NAV1: variants seen among roughly 807,000 people sequenced by gnomAD.
NAV1 encodes the protein neuron navigator 1.
In NAV1, 18 loss-of-function variants were observed where a neutral mutation model predicts 175.2. The observed-to-expected ratio is 0.10, with a 90% CI of 0.07 to 0.15. NAV1 has a LOEUF of 0.15. NAV1 is among the 10% of genes least tolerant of loss of function. The pLI is 1.00. For missense variants in NAV1, 1,731 were observed against 2,436.6 expected (o/e 0.71, Z 6.10); for synonymous variants, 897 against 978.7 (o/e 0.92, Z 1.56).
chr1:201,666,184 T>C (rs546555347), intron 1 of NAV1, among the ~76,000 whole-genome samples: 156 of 152,186 alleles, frequency 1.0e-3, no homozygotes, highest in Non-Finnish European at 1.4e-3. Context: ...GATCTGCCCA[T>C]GGAGAAGGCT....
chr1:201,688,589 G>A (rs973229150), intron 1 of NAV1, among the ~76,000 whole-genome samples: 5 of 152,006 alleles, frequency 3.3e-5, no homozygotes, highest in Admixed American at 1.3e-4. Context: ...CCCTTTTTGC[G>A]GGCTTTTCAT....
Position 201,812,547 on chromosome 1 carries a change from A to T in NAV1, c.5107A>T (p.Ser1703Cys). Residue 1703 changes from serine (S) to cysteine (C), a missense_variant, in exon 27 of 30, where the codon AGC (serine) becomes TGC (cysteine). Around this residue, in one of 13 missense-constraint regions of NAV1, gnomAD observed 115 missense variants for 269.4 expected, o/e 0.43. Coordinates refer to ENST00000367296, the Ensembl canonical transcript of NAV1. This position sits in a 1 kb window ranked among gnomAD's most constrained non-coding sequence, Gnocchi z 4.6. ...GAGGAGGAAGCTGGTAGAGTCAGACAGCGACATCAATGCCAACAAGGAAGA... is the reference window on the plus strand; with the variant it reads ...GAGGAGGAAGCTGGTAGAGTCAGACTGCGACATCAATGCCAACAAGGAAGA... The T allele has an allele frequency of 1.9e-6, 3 of 1,614,226 alleles. No individual in the cohort carries two copies. Among genetic ancestry groups the T allele is most frequent in the Non-Finnish European group, 2.5e-6 (3 of 1,180,044 alleles).
At chr1:201,663,307 C>T (rs1272240307) in intron 1 of NAV1, among the ~76,000 whole-genome samples, 1 of 152,092 alleles carries the variant, frequency 6.6e-6, no homozygotes, top group Non-Finnish European at 1.5e-5. Flanking sequence ...GTCAACAGAC[C>T]GTGAGATGTG....
intron 1 of NAV1, among the ~76,000 whole-genome samples, chr1:201,689,809 C>A (rs185527071): frequency 2.6e-5 from 4 of 152,328 alleles, no homozygotes; most frequent in Non-Finnish European, 5.9e-5. Flanking sequence ...GCGGTGGAAG[C>A]TCTCCTAGGG....
intron 1 of NAV1, among the ~76,000 whole-genome samples, chr1:201,567,329 T>C (rs1443387252): frequency 6.6e-6 from 1 of 152,218 alleles, no homozygotes; most frequent in Non-Finnish European, 1.5e-5. Context: ...TACGAGGGCA[T>C]TGGCTGGGCC....
intron 1 of NAV1, among the ~76,000 whole-genome samples, chr1:201,548,702 A>C (rs1322725010): frequency 2.0e-5 from 3 of 152,262 alleles, no homozygotes; most frequent in African/African-American, 7.2e-5. Flanking sequence ...TTAGAAAACA[A>C]GAAACCAAAT....
intron 2 of NAV1, among the ~76,000 whole-genome samples, chr1:201,597,735 G>A (rs1667396107): frequency 6.6e-6 from 1 of 152,238 alleles, no homozygotes; most frequent in African/African-American, 2.4e-5. Context: ...TGCTCCACCT[G>A]CTTCCTGTTC....
At chr1:201,648,524 C>T (rs1669060580) in exon 1 of NAV1, 6 of 1,244,400 alleles carry the variant, frequency 4.8e-6, no homozygotes, top group Admixed American at 8.4e-5. Context: ...GCTCTCTCCC[C>T]CTTCTCTCCC....
chr1:201,695,575 G>C (rs758115426), intron 1 of NAV1, among the ~76,000 whole-genome samples: 2 of 152,206 alleles, frequency 1.3e-5, no homozygotes, highest in African/African-American at 2.4e-5. Context: ...TCTCTCTAAG[G>C]CATGTTTGTT....
At chr1:201,624,500 C>T (rs1226438924) in intron 1 of NAV1, among the ~76,000 whole-genome samples, 1 of 151,756 alleles carries the variant, frequency 6.6e-6, no homozygotes, top group African/African-American at 2.4e-5. Context: ...CCCACCACCA[C>T]ACCTGGCTAA....
intron 24 of NAV1, among the ~76,000 whole-genome samples, chr1:201,811,334 T>G (rs1678679211): frequency 6.6e-6 from 1 of 152,148 alleles, no homozygotes; most frequent in Non-Finnish European, 1.5e-5. Context: ...CCATTAGTAG[T>G]AGTCCATGGT....
chr1:201,771,994 C>T (rs995098850), intron 3 of NAV1, among the ~76,000 whole-genome samples: 46 of 152,272 alleles, frequency 3.0e-4, no homozygotes, highest in African/African-American at 8.4e-4. Context: ...AAAATCTTAA[C>T]CTTTTTCCTG....
intron 1 of NAV1, among the ~76,000 whole-genome samples, chr1:201,681,513 C>T (rs1217815274): frequency 4.6e-5 from 7 of 152,202 alleles, no homozygotes; most frequent in Non-Finnish European, 7.3e-5. Context: ...CAGCAGTCCA[C>T]GAGGCCATGT....
At chr1:201,634,621 A>G (rs966327473) in intron 2 of NAV1, among the ~76,000 whole-genome samples, 2 of 152,142 alleles carry the variant, frequency 1.3e-5, no homozygotes, top group African/African-American at 2.4e-5. Flanking sequence ...TCTGGATGCT[A>G]TTTCTTTAGA....
intron 3 of NAV1, among the ~76,000 whole-genome samples, chr1:201,774,436 T>TG (rs1218171639): frequency 1.3e-5 from 2 of 152,212 alleles, no homozygotes; most frequent in Non-Finnish European, 2.9e-5. Context: ...ACCAGTCATA[T>TG]GTTTCAGGAT....
At chr1:201,550,791 G>T (rs543459207) in intron 1 of NAV1, among the ~76,000 whole-genome samples, 2 of 152,220 alleles carry the variant, frequency 1.3e-5, no homozygotes, top group African/African-American at 4.8e-5. Flanking sequence ...GGGAACATGT[G>T]GGGTGGGTGG....
chr1:201,617,861 A>G (rs1015488886), intron 2 of NAV1, among the ~76,000 whole-genome samples: 8 of 152,220 alleles, frequency 5.3e-5, no homozygotes, highest in African/African-American at 1.9e-4. Flanking sequence ...ATTTTATTCA[A>G]TCTGCTCAGA....
rs1225792066 is a variant in NAV1 at position 201,807,912 on chromosome 1, G to A, written c.3649-41G>A. 1 of 1,597,798 alleles carries A rather than the reference G, an allele frequency of 6.3e-7. No homozygotes were observed. The highest frequency in any genetic ancestry group is 1.3e-5 in the African/African-American group (1 of 74,528). ...TCCAGTCCTCCCCCATCCCAGTAGT[G>A]GAGTCCTAATGTCCCTCTACCTGGA... On this transcript the variant is annotated intron_variant, in intron 17 of 29. Transcript: ENST00000367296. The surrounding 1 kb of genome is among the most constrained non-coding windows in gnomAD (Gnocchi z 5.4).
chr1:201,616,644 C>T (rs966646707), intron 2 of NAV1, among the ~76,000 whole-genome samples: 7 of 152,184 alleles, frequency 4.6e-5, no homozygotes, highest in African/African-American at 1.2e-4. Flanking sequence ...TGCGCCACCA[C>T]GCCCAGCTAA....
Sources: allele counts gnomAD v4.1 joint callset (sites outside exome capture counted in the v4.1 genomes callset), GRCh38; gene constraint gnomAD v4.1.1; regional missense constraint gnomAD v4.1.1; non-coding constraint Gnocchi (gnomAD v3.1); transcripts MANE v1.5; gene names NCBI Gene and HGNC (gene_info 2026-07-23, HGNC 2026-07-21).